The following SEZ6L variants were observed in gnomAD, a reference collection of about 807,000 sequenced individuals.
SEZ6L encodes seizure 6-like protein.
SEZ6L carries 37 observed loss-of-function variants against 106.2 expected under a neutral mutation model. The observed-to-expected ratio is 0.35, with a 90% CI of 0.27 to 0.46. The LOEUF (loss-of-function observed/expected upper bound fraction) is 0.46, where lower values mean the gene tolerates loss of function less well. SEZ6L is among the 20% of genes least tolerant of loss of function. The pLI is 1.00. For synonymous variants in SEZ6L, 541 were observed against 570.4 expected, an observed-to-expected ratio of 0.95 and a Z score of 0.73; for missense variants, 1,172 against 1,332.8, an observed-to-expected ratio of 0.88 and a Z score of 1.88.
chr22:26,312,003 A>T, intron 8 of SEZ6L, 41 bp downstream of exon 8: 4 of 1,586,786 alleles, frequency 2.5e-6, no homozygotes, highest in Non-Finnish European at 3.4e-6. Flanking sequence ...CACCCCAGGG[A>T]TCTCCACCCT....
intron 1 of SEZ6L, among the ~76,000 whole-genome samples, chr22:26,274,407 G>C (rs997754074): frequency 1.3e-5 from 2 of 152,060 alleles, no homozygotes; most frequent in Non-Finnish European, 2.9e-5. Flanking sequence ...CATGTAACAA[G>C]CACTTATCAC....
intron 1 of SEZ6L, among the ~76,000 whole-genome samples, chr22:26,255,240 T>C (rs1569423675): frequency 6.6e-6 from 1 of 152,190 alleles, no homozygotes; most frequent in East Asian, 1.9e-4. Flanking sequence ...GAAGGCATCT[T>C]AAGACTTATC....
At chr22:26,340,330 A>G in intron 9 of SEZ6L, 106 bp from the exon 10 acceptor site, 1 of 1,013,558 alleles carries the variant, frequency 9.9e-7, no homozygotes, top group Non-Finnish European at 1.5e-6. Flanking sequence ...GGAGCCTGAC[A>G]CATACACACT....
intron 1 of SEZ6L, among the ~76,000 whole-genome samples, chr22:26,289,609 A>C (rs1258902846): frequency 6.6e-6 from 1 of 152,110 alleles, no homozygotes; most frequent in Admixed American, 6.5e-5. Context: ...CCAGATACCC[A>C]TTCCTGGCCC....
At chr22:26,301,945 A>G (rs2081466688) in intron 5 of SEZ6L, among the ~76,000 whole-genome samples, 1 of 152,326 alleles carries the variant, frequency 6.6e-6, no homozygotes, top group South Asian at 2.1e-4. Flanking sequence ...GGTAGGAGAT[A>G]TCTGGAAAAA....
intron 4 of SEZ6L, among the ~76,000 whole-genome samples, chr22:26,298,499 A>G (rs1459193922): frequency 6.6e-6 from 1 of 152,208 alleles, no homozygotes; most frequent in African/African-American, 2.4e-5. Flanking sequence ...AACTCACATT[A>G]GTTTTCTTTC....
chr22:26,334,426 G>A lies in SEZ6L; in HGVS notation c.2016-6010G>A, dbSNP rs565925429. ...TTCTTTCACTGCATGTCATGTTTCC[G>A]AGGTTCACCTGTGCTGCGGCGTGGG... On this transcript the variant is annotated intron_variant, in intron 9 of 16. Transcript: ENST00000248933. 5.3e-5 allele frequency among the ~76,000 whole-genome samples: 8 copies of A among 152,302 alleles called. No homozygotes were observed. The East Asian group carries it at 7.7e-4, about 15-fold the overall frequency.
At chr22:26,223,396 C>T (rs2078538711) in intron 1 of SEZ6L, among the ~76,000 whole-genome samples, 1 of 152,150 alleles carries the variant, frequency 6.6e-6, no homozygotes, top group East Asian at 1.9e-4. Flanking sequence ...GCAACATAAG[C>T]CACTAAATTT....
At chr22:26,284,621 A>C (rs1177211511) in intron 1 of SEZ6L, among the ~76,000 whole-genome samples, 1 of 151,182 alleles carries the variant, frequency 6.6e-6, no homozygotes, top group Admixed American at 6.6e-5. Context: ...AAAAAAAAAA[A>C]AAAAAAAAAA....
intron 1 of SEZ6L, among the ~76,000 whole-genome samples, chr22:26,211,029 C>T (rs2078142262): frequency 6.6e-6 from 1 of 152,182 alleles, no homozygotes; most frequent in South Asian, 2.1e-4. Context: ...CTCCACTTCA[C>T]TCATCCGCAT....
chr22:26,348,797 AG>A (rs1441114727), intron 11 of SEZ6L, among the ~76,000 whole-genome samples: 6 of 1,782 alleles, frequency 3.4e-3, no homozygotes, highest in Non-Finnish European at 3.6e-3. Context: ...AGGGGAGGGA[AG>A]GGGAGGGAAG....
At chr22:26,233,306 A>G (rs1377162808) in intron 1 of SEZ6L, among the ~76,000 whole-genome samples, 1 of 152,130 alleles carries the variant, frequency 6.6e-6, no homozygotes, top group African/African-American at 2.4e-5. Context: ...TCATCCTGTC[A>G]TGGGTGGCGT....
intron 1 of SEZ6L, among the ~76,000 whole-genome samples, chr22:26,211,583 A>G (rs866193327): frequency 1.2e-4 from 19 of 152,204 alleles, no homozygotes; most frequent in Admixed American, 3.3e-4. Context: ...GTTTTTTTCC[A>G]TCAGGAGCCA....
At position 26,310,775 on chromosome 22, in the gene SEZ6L, C is replaced by G; in HGVS notation, c.1620C>G (p.Ile540Met). 6.2e-7 allele frequency: 1 copy of G among 1,614,172 alleles called. No individual in the cohort carries two copies. Among genetic ancestry groups the G allele is most frequent in the Middle Eastern group, 1.6e-4 (1 of 6,062 alleles). The change falls in exon 7 of 17, where the codon ATC becomes ATG. Residue 540 changes from isoleucine to methionine, a missense_variant. Around this residue, in one of 4 missense-constraint regions of SEZ6L, gnomAD observed 534 missense variants for 691.0 expected, o/e 0.77. Coordinates refer to ENST00000248933, the MANE Select transcript of SEZ6L (RefSeq NM_021115.5). ...FEGLLSEGNT[I>M]RIEFTSDQAR... ...GCCTGCTGAGCGAAGGCAACACCAT[C>G]CGCATCGAGTTCACGTCCGACCAGG...
chr22:26,197,771 G>A (rs1940672593), intron 1 of SEZ6L, among the ~76,000 whole-genome samples: 1 of 152,158 alleles, frequency 6.6e-6, no homozygotes, highest in Non-Finnish European at 1.5e-5. Flanking sequence ...TTTTCACCTT[G>A]ATCTTTCCAA....
intron 1 of SEZ6L, among the ~76,000 whole-genome samples, chr22:26,249,925 T>G (rs61607001): frequency 0.13 from 19,443 of 152,210 alleles, 1,665 homozygotes; most frequent in East Asian, 0.35. Flanking sequence ...GTAGTAGGGA[T>G]GTTGAACATT....
intron 1 of SEZ6L, among the ~76,000 whole-genome samples, chr22:26,281,229 G>A (rs2080752465): frequency 6.6e-6 from 1 of 152,158 alleles, no homozygotes; most frequent in South Asian, 2.1e-4. Flanking sequence ...AGAGATATGA[G>A]CATATTAGTA....
intron 1 of SEZ6L, among the ~76,000 whole-genome samples, chr22:26,219,561 C>G (rs970363764): frequency 6.6e-6 from 1 of 152,000 alleles, no homozygotes; most frequent in African/African-American, 2.4e-5. Flanking sequence ...CCTACACAAG[C>G]CAGTAAATTA....
chr22:26,251,889 C>T (rs1028888295), intron 1 of SEZ6L, among the ~76,000 whole-genome samples: 1 of 152,148 alleles, frequency 6.6e-6, no homozygotes, highest in Non-Finnish European at 1.5e-5. Context: ...GTGGGGGTGT[C>T]CTGCCCACTC....
Sources: gnomAD v4.1 joint callset for allele counts (sites outside exome capture counted in the v4.1 genomes callset) on GRCh38, gnomAD v4.1.1 for gene constraint, gnomAD v4.1.1 regional missense constraint, MANE v1.5 for transcripts, NCBI Gene and HGNC (gene_info 2026-07-23, HGNC 2026-07-21) for gene names.